The following SLC24A2 variants were observed in gnomAD, a reference collection of about 807,000 sequenced individuals.
SLC24A2 encodes sodium/potassium/calcium exchanger 2.
A neutral mutation model predicts 62.0 loss-of-function variants in SLC24A2; 36 were observed. That is an observed-to-expected ratio of 0.58 (90% CI 0.44 to 0.77). The LOEUF (loss-of-function observed/expected upper bound fraction) is 0.77. Ranked by LOEUF, SLC24A2 falls within the 30% of genes least tolerant of loss-of-function variation. SLC24A2 has a pLI of 0.00. For synonymous variants in SLC24A2, 358 were observed against 294.0 expected (o/e 1.22, Z -2.23); for missense variants, 846 against 817.9 (o/e 1.03, Z -0.42).
the SLC24A2 span, among the ~76,000 whole-genome samples, chr9:19,932,808 G>A: frequency 1.1e-4 from 16 of 152,156 alleles, no homozygotes; most frequent in Non-Finnish European, 1.9e-4. Context: ...TGGGACAAGC[G>A]TACAAAGGGA....
chr9:20,087,091 T>C, the SLC24A2 span, among the ~76,000 whole-genome samples: 1 of 152,208 alleles, frequency 6.6e-6, no homozygotes, highest in African/African-American at 2.4e-5. Flanking sequence ...TTGCCTGAAT[T>C]CTGTGCAGAG....
At chr9:19,581,847 A>G (rs551308681) in intron 5 of SLC24A2, among the ~76,000 whole-genome samples, 1 of 152,324 alleles carries the variant, frequency 6.6e-6, no homozygotes, top group South Asian at 2.1e-4. Context: ...GTACTTTTCA[A>G]GGTGAGTGAA....
At chr9:20,219,895 G>T in the SLC24A2 span, among the ~76,000 whole-genome samples, 1 of 152,048 alleles carries the variant, frequency 6.6e-6, no homozygotes, top group African/African-American at 2.4e-5. Flanking sequence ...GTGATTAAGT[G>T]CTCTTCATAT....
At chr9:20,247,061 G>C in the SLC24A2 span, among the ~76,000 whole-genome samples, 1 of 152,190 alleles carries the variant, frequency 6.6e-6, no homozygotes, top group Non-Finnish European at 1.5e-5. Context: ...TATATCTTGA[G>C]CTTAGATAGC....
the SLC24A2 span, among the ~76,000 whole-genome samples, chr9:20,109,286 C>A: frequency 1.5e-4 from 23 of 152,276 alleles, no homozygotes; most frequent in South Asian, 1.7e-3. Flanking sequence ...CGAGATTATG[C>A]AGAAAAAAAT....
the SLC24A2 span, among the ~76,000 whole-genome samples, chr9:19,962,141 A>C: frequency 6.6e-6 from 1 of 152,118 alleles, no homozygotes; most frequent in Admixed American, 6.6e-5. Context: ...ACTTTTATGG[A>C]CTGCTCATTA....
the SLC24A2 span, among the ~76,000 whole-genome samples, chr9:20,147,259 G>A: frequency 6.6e-6 from 1 of 152,106 alleles, no homozygotes; most frequent in Non-Finnish European, 1.5e-5. Context: ...TGAGTCGGAG[G>A]CCCAGTCCTC....
chr9:19,710,649 T>A (rs752056631), intron 2 of SLC24A2, among the ~76,000 whole-genome samples: 1 of 151,780 alleles, frequency 6.6e-6, no homozygotes, highest in Non-Finnish European at 1.5e-5. Flanking sequence ...ATATGAGGGA[T>A]CTGTAGAGCC....
chr9:20,003,146 C>A, the SLC24A2 span, among the ~76,000 whole-genome samples: 1 of 152,128 alleles, frequency 6.6e-6, no homozygotes, highest in Non-Finnish European at 1.5e-5. Flanking sequence ...TGAGAGGATT[C>A]CCCCAAAATG....
At chr9:19,763,325 T>C (rs184005756) in intron 2 of SLC24A2, among the ~76,000 whole-genome samples, 24 of 152,348 alleles carry the variant, frequency 1.6e-4, no homozygotes, top group Admixed American at 4.6e-4. Flanking sequence ...TCTTGCCTAA[T>C]TGCCCTGGCC....
At chr9:20,047,982 G>T in the SLC24A2 span, among the ~76,000 whole-genome samples, 1 of 152,072 alleles carries the variant, frequency 6.6e-6, no homozygotes, top group East Asian at 1.9e-4. Context: ...AATATGGGAA[G>T]CCAATAGAAG....
At chr9:20,006,738 G>T in the SLC24A2 span, among the ~76,000 whole-genome samples, 1 of 152,234 alleles carries the variant, frequency 6.6e-6, no homozygotes, top group East Asian at 1.9e-4. Flanking sequence ...GAAATCTAAA[G>T]TCTGAAATTT....
intron 2 of SLC24A2, among the ~76,000 whole-genome samples, chr9:19,779,292 A>C (rs1822939702): frequency 6.6e-6 from 1 of 152,226 alleles, no homozygotes; most frequent in African/African-American, 2.4e-5. Context: ...CCTAAATGAG[A>C]AAATCACACC....
chr9:20,141,288 G>T, the SLC24A2 span, among the ~76,000 whole-genome samples: 20,875 of 151,940 alleles, frequency 0.14, 2,024 homozygotes, highest in East Asian at 0.3. Flanking sequence ...CAGCTTCCCC[G>T]GCCTACGCTC....
chr9:19,586,973 C>G (rs775152005), intron 5 of SLC24A2, among the ~76,000 whole-genome samples: 1 of 152,062 alleles, frequency 6.6e-6, no homozygotes. Flanking sequence ...AAGAGGTAAA[C>G]GAATGAAGAA....
Position 19,630,736 on chromosome 9 carries a change from A to G in SLC24A2, c.931-8437T>C, listed in dbSNP as rs1818157186. Among the ~76,000 whole-genome samples, 3 of 152,330 alleles carry G rather than the reference A, an allele frequency of 2.0e-5. No homozygotes were observed. The South Asian group carries it at 6.2e-4, about 32-fold the overall frequency. ...GTTTTGGAATTTCCAGGAAGCAAAA[A>G]CATCATATAAACCCAATTTAAATAT... On this transcript the variant is annotated intron_variant, in intron 2 of 10. Transcript: ENST00000341998.
the SLC24A2 span, among the ~76,000 whole-genome samples, chr9:20,172,006 T>A: frequency 1.1e-4 from 16 of 152,038 alleles, no homozygotes; most frequent in African/African-American, 3.9e-4. Context: ...TGAAATTATA[T>A]CAAGCACTCT....
the SLC24A2 span, among the ~76,000 whole-genome samples, chr9:20,072,342 G>A: frequency 6.6e-6 from 1 of 152,088 alleles, no homozygotes; most frequent in Non-Finnish European, 1.5e-5. Context: ...TTAGAGTCTT[G>A]CCTTGAGTGG....
intron 2 of SLC24A2, among the ~76,000 whole-genome samples, chr9:19,710,615 G>T (rs1237738730): frequency 1.3e-5 from 2 of 152,158 alleles, no homozygotes; most frequent in African/African-American, 4.8e-5. Context: ...GAGGAAGGTG[G>T]GGGCAGTAGA....
Sources: gnomAD v4.1 joint callset for allele counts (sites outside exome capture counted in the v4.1 genomes callset) on GRCh38, gnomAD v4.1.1 for gene constraint, MANE v1.5 for transcripts, NCBI Gene and HGNC (gene_info 2026-07-23, HGNC 2026-07-21) for gene names.